The following RIMS2 variants were observed in gnomAD, a reference collection of about 807,000 sequenced individuals.
RIMS2 encodes regulating synaptic membrane exocytosis protein 2.
RIMS2 carries 59 observed loss-of-function variants against 174.4 expected under a neutral mutation model. That is an observed-to-expected ratio of 0.34 (90% confidence interval 0.27 to 0.42). RIMS2 has a LOEUF of 0.42. RIMS2 is among the 10% of genes least tolerant of loss of function. The pLI is 1.00. For synonymous variants in RIMS2, 606 were observed against 572.5 expected, an observed-to-expected ratio of 1.06 and a Z score of -0.84; for missense variants, 1,620 against 1,666.3, an observed-to-expected ratio of 0.97 and a Z score of 0.48.
At chr8:104,247,015 G>A (rs1443681910) in intron 20 of RIMS2, among the ~76,000 whole-genome samples, 1 of 152,148 alleles carries the variant, frequency 6.6e-6, no homozygotes, top group African/African-American at 2.4e-5. Context: ...AAGGGGCCAG[G>A]ACAGCAAGGG....
At chr8:103,744,820 A>G (rs769795159) in intron 2 of RIMS2, among the ~76,000 whole-genome samples, 16 of 152,148 alleles carry the variant, frequency 1.1e-4, no homozygotes, top group African/African-American at 3.6e-4. Context: ...GAAATAATCT[A>G]CTCTTTAATT....
chr8:103,750,707 G>T (rs1326398196), intron 2 of RIMS2, among the ~76,000 whole-genome samples: 1 of 152,082 alleles, frequency 6.6e-6, no homozygotes, highest in Non-Finnish European at 1.5e-5. Context: ...TTTTATAAGA[G>T]AATGAGTGAC....
exon 5 of RIMS2, chr8:103,910,160 C>A: frequency 6.2e-7 from 1 of 1,611,784 alleles, no homozygotes; most frequent in African/African-American, 1.3e-5. Flanking sequence ...CTGGTTGGAT[C>A]ATACGTCTTG....
intron 19 of RIMS2, among the ~76,000 whole-genome samples, chr8:104,181,039 A>G (rs1300370395): frequency 6.6e-6 from 1 of 151,728 alleles, no homozygotes; most frequent in Non-Finnish European, 1.5e-5. Context: ...GCAGAAAAAT[A>G]AGGCTTCATA....
At chr8:103,676,475 C>T (rs2096814285) in intron 1 of RIMS2, among the ~76,000 whole-genome samples, 1 of 152,112 alleles carries the variant, frequency 6.6e-6, no homozygotes, top group South Asian at 2.1e-4. Flanking sequence ...TCCAGAATAG[C>T]TTTCTTTTTT....
intron 4 of RIMS2, among the ~76,000 whole-genome samples, chr8:103,890,501 G>A (rs1244801696): frequency 1.3e-5 from 2 of 151,922 alleles, no homozygotes; most frequent in East Asian, 1.9e-4. Context: ...AACAGGTACC[G>A]TAGGACTTCA....
chr8:104,071,037 A>T (rs1038324660), intron 19 of RIMS2, among the ~76,000 whole-genome samples: 2 of 152,108 alleles, frequency 1.3e-5, no homozygotes, highest in Non-Finnish European at 2.9e-5. Context: ...AAACTTGATC[A>T]GTTATATGAT....
chr8:103,652,582 T>C (rs753836170), intron 1 of RIMS2, 42 bp from the exon 3 acceptor site: 2 of 1,057,050 alleles, frequency 1.9e-6, no homozygotes, highest in African/African-American at 1.6e-5. Context: ...TACATTGTTA[T>C]TCATTTGGTT....
At chr8:103,578,568 A>G (rs911422391) in intron 1 of RIMS2, among the ~76,000 whole-genome samples, 4 of 151,978 alleles carry the variant, frequency 2.6e-5, no homozygotes, top group Non-Finnish European at 5.9e-5. Flanking sequence ...AACAACAACA[A>G]CAACAAAAAA....
chr8:103,616,010 A>G (rs888396351), intron 1 of RIMS2, among the ~76,000 whole-genome samples: 1 of 152,212 alleles, frequency 6.6e-6, no homozygotes, highest in African/African-American at 2.4e-5. Context: ...ACATCTCCCA[A>G]CTCATTCTAT....
intron 1 of RIMS2, among the ~76,000 whole-genome samples, chr8:103,569,491 C>G (rs2092645179): frequency 6.6e-6 from 1 of 152,102 alleles, no homozygotes; most frequent in African/African-American, 2.4e-5. Flanking sequence ...GACTTATGGA[C>G]ATGGGGTGTC....
At chr8:103,911,990 G>A in intron 5 of RIMS2, 63 bp from the exon 9 acceptor site, 6 of 1,280,716 alleles carry the variant, frequency 4.7e-6, no homozygotes, top group East Asian at 2.6e-5. Context: ...GTCATAAAAC[G>A]ATAAATAAAA....
chr8:103,538,754 G>A (rs148483259), intron 1 of RIMS2, among the ~76,000 whole-genome samples: 9,946 of 152,156 alleles, frequency 0.065, 399 homozygotes, highest in South Asian at 0.088. Flanking sequence ...TGATCCACCC[G>A]CCTTGGCCTC....
chr8:104,162,954 T>A (rs1447068), intron 19 of RIMS2, among the ~76,000 whole-genome samples: 44,918 of 152,050 alleles, frequency 0.3, 6,792 homozygotes, highest in African/African-American at 0.33. Flanking sequence ...TGCTATTTAC[T>A]CAATTGAGTC....
rs370804339 is a variant in RIMS2 at position 103,723,671 on chromosome 8, G to A, written c.387+26375G>A. ...CTGTGTCCACAGGTGCTGGCCTGAT[G>A]ACTGGAGCTACCAGGTCCAACCTGG... On this transcript the variant is annotated intron_variant, in intron 2 of 23. Coordinates refer to ENST00000504942, the Ensembl canonical transcript of RIMS2. Among the ~76,000 whole-genome samples the A allele has an allele frequency of 5.3e-5, 8 of 152,332 alleles. No homozygotes were observed. The East Asian group carries it at 1.5e-3, about 29-fold the overall frequency.
intron 3 of RIMS2, among the ~76,000 whole-genome samples, chr8:103,875,901 A>G (rs944348967): frequency 6.6e-6 from 1 of 151,964 alleles, no homozygotes; most frequent in Non-Finnish European, 1.5e-5. Flanking sequence ...GGCAACTTCT[A>G]TATCTTCTTT....
At chr8:103,606,039 C>T (rs1221766464) in intron 1 of RIMS2, among the ~76,000 whole-genome samples, 3 of 146,310 alleles carry the variant, frequency 2.1e-5, no homozygotes, top group African/African-American at 7.7e-5. Flanking sequence ...TTGCCTTCTG[C>T]TAGCTTTTGA....
intron 3 of RIMS2, among the ~76,000 whole-genome samples, chr8:103,870,736 A>C (rs2099107456): frequency 6.6e-6 from 1 of 151,780 alleles, no homozygotes; most frequent in Non-Finnish European, 1.5e-5. Flanking sequence ...TCCTAAATAT[A>C]TGTTGTTTCA....
chr8:103,964,929 G>T (rs769882925), intron 15 of RIMS2, among the ~76,000 whole-genome samples: 9 of 152,060 alleles, frequency 5.9e-5, no homozygotes, highest in Non-Finnish European at 1.0e-4. Context: ...CCATTGTATT[G>T]CCTTTGCTTT....
Sources: gnomAD v4.1 joint callset for allele counts (sites outside exome capture counted in the v4.1 genomes callset) on GRCh38, gnomAD v4.1.1 for gene constraint, MANE v1.5 for transcripts, NCBI Gene and HGNC (gene_info 2026-07-23, HGNC 2026-07-21) for gene names.